Variants in LPIN1 observed in about 807,000 individuals in gnomAD.
The protein encoded by LPIN1 is lipin 1.
Under a neutral mutation model 107.5 loss-of-function variants are expected in LPIN1, and 71 were observed. The observed-to-expected ratio is 0.66, with a 90% CI of 0.55 to 0.80. The LOEUF is 0.80. Among genes scored for constraint, LPIN1 ranks in the 30% least tolerant of loss-of-function variants. LPIN1 has a pLI of 0.00. For synonymous variants in LPIN1, 445 were observed against 452.6 expected (o/e 0.98, Z 0.21); for missense variants, 1,043 against 1,160.6 (o/e 0.90, Z 1.47).
In LPIN1 at chr2:11,759,136, T is replaced by C. The variant is rs879777668; in HGVS notation, c.-9-6397T>C. Reference sequence around the variant, plus strand: ...GCTAGCTAGCTTGCTTTCTTTCTTTTCTTTCTTTCTTTCTTTCTTTCTTTC... The same window carrying C: ...GCTAGCTAGCTTGCTTTCTTTCTTTCCTTTCTTTCTTTCTTTCTTTCTTTC... On this transcript the variant is annotated intron_variant, in intron 1 of 20. Coordinates refer to ENST00000674199, the MANE Select transcript of LPIN1 (RefSeq NM_001349206.2). Among the ~76,000 whole-genome samples the C allele has an allele frequency of 5.7e-4, 23 of 40,144 alleles. 1 individual carries two copies. In the East Asian group the frequency reaches 6.1e-3, roughly 11 times the overall value. 26.3% of individuals were successfully genotyped at this position (40,144 alleles called of 152,430 possible).
At position 11,697,877 on chromosome 2, in the gene LPIN1, C is replaced by T. The variant is rs965558469; in HGVS notation, c.82-15879C>T. 1.3e-5 allele frequency among the ~76,000 whole-genome samples: 2 copies of T among 152,118 alleles called. No individual in the cohort carries two copies. The highest frequency in any genetic ancestry group is 2.4e-5 in the African/African-American group (1 of 41,432). ...ATGGAAGCGAGTGTGCTCAGAAATGCAGGTTCTCCCGAGGGGCAGCCCTCA... is the reference window on the plus strand; with the variant it reads ...ATGGAAGCGAGTGTGCTCAGAAATGTAGGTTCTCCCGAGGGGCAGCCCTCA... On this transcript the variant is annotated intron_variant, in intron 1 of 21. Coordinates refer to the LPIN1 transcript ENST00000449576. This position sits in a 1 kb window ranked among gnomAD's most constrained non-coding sequence, Gnocchi z 4.6.
chr2:11,681,901 C>T (rs542573138), intron 1 of LPIN1, among the ~76,000 whole-genome samples: 2 of 152,304 alleles, frequency 1.3e-5, no homozygotes, highest in South Asian at 4.1e-4. Context: ...TCTACAGGGA[C>T]CTTTGGAGCG....
intron 1 of LPIN1, among the ~76,000 whole-genome samples, chr2:11,734,118 A>G (rs1287158537): frequency 1.3e-5 from 2 of 152,254 alleles, no homozygotes; most frequent in Non-Finnish European, 2.9e-5. Flanking sequence ...TTTGTATTAA[A>G]TTAGAGACCT....
intron 20 of LPIN1, among the ~76,000 whole-genome samples, chr2:11,824,003 G>T (rs115050984): frequency 0.02 from 3,003 of 152,218 alleles, 54 homozygotes; most frequent in South Asian, 0.079. Flanking sequence ...TTGTCATTTA[G>T]ATACATTTGA....
intron 1 of LPIN1, among the ~76,000 whole-genome samples, chr2:11,754,536 C>A (rs1369448802): frequency 6.6e-6 from 1 of 152,212 alleles, no homozygotes; most frequent in East Asian, 1.9e-4. Flanking sequence ...CTGAGAGGCT[C>A]TGTCAGGGAG....
upstream of LPIN1, chr2:11,722,460 G>T (rs55823449): frequency 0.39 from 58,667 of 152,100 alleles, 13,393 homozygotes; most frequent in South Asian, 0.55. Flanking sequence ...CATTGTCACG[G>T]CTCTGCAGTG....
intron 18 of LPIN1, chr2:11,816,684 GTCCTGTGGAGTTCTCTAGAAT>G: frequency 6.6e-6 from 1 of 151,928 alleles, no homozygotes; most frequent in Non-Finnish European, 1.5e-5. Context: ...TGTGCTAGCT[GTCCTGTGGAGTTCTCTAGAAT>G]TGCTAGCGAA....
At chr2:11,758,323 A>T (rs1270223656) in intron 1 of LPIN1, among the ~76,000 whole-genome samples, 1 of 151,036 alleles carries the variant, frequency 6.6e-6, no homozygotes, top group Non-Finnish European at 1.5e-5. Context: ...TTTTATTTTT[A>T]TTTTTTTGAG....
At chr2:11,724,102 G>C (rs13418215), upstream of LPIN1, 12,332 of 152,428 alleles carry the variant, frequency 0.081, 632 homozygotes, top group African/African-American at 0.15. Flanking sequence ...ATTTGATTTC[G>C]TGAAAGAACC....
intron 4 of LPIN1, among the ~76,000 whole-genome samples, chr2:11,772,050 A>G (rs949331923): frequency 3.3e-5 from 5 of 152,198 alleles, no homozygotes; most frequent in Non-Finnish European, 5.9e-5. Context: ...ATCATCAGGC[A>G]TTAGATTCTC....
chr2:11,764,676 A>C (rs1670500802), intron 1 of LPIN1, among the ~76,000 whole-genome samples: 1 of 152,254 alleles, frequency 6.6e-6, no homozygotes, highest in African/African-American at 2.4e-5. Flanking sequence ...GGAAATTGTC[A>C]CAAACAAAAA....
intron 1 of LPIN1, among the ~76,000 whole-genome samples, chr2:11,679,098 G>A (rs1191738968): frequency 1.3e-5 from 2 of 152,226 alleles, no homozygotes; most frequent in Non-Finnish European, 2.9e-5. Context: ...TGCCCCGCAG[G>A]ACTGACTCTC....
intron 1 of LPIN1, among the ~76,000 whole-genome samples, chr2:11,728,530 G>T (rs1664883815): frequency 6.6e-6 from 1 of 152,000 alleles, no homozygotes; most frequent in East Asian, 1.9e-4. Flanking sequence ...GACCACAGAT[G>T]CATGCCACCC....
intron 14 of LPIN1, among the ~76,000 whole-genome samples, chr2:11,797,755 G>A (rs1185165411): frequency 2.0e-5 from 3 of 152,212 alleles, no homozygotes; most frequent in Non-Finnish European, 2.9e-5. Context: ...ACCTGTCTCA[G>A]ATGAGACTTT....
chr2:11,783,570 A>G (rs1422522350), intron 8 of LPIN1, among the ~76,000 whole-genome samples: 1 of 152,228 alleles, frequency 6.6e-6, no homozygotes, highest in African/African-American at 2.4e-5. Context: ...CTCCAGCAAC[A>G]TCATGGAATA....
At chr2:11,781,776 T>C (rs1673609859) in intron 7 of LPIN1, among the ~76,000 whole-genome samples, 1 of 152,240 alleles carries the variant, frequency 6.6e-6, no homozygotes, top group African/African-American at 2.4e-5. Context: ...TTGCGGTCAC[T>C]GCTCAGACTG....
At chr2:11,793,168 G>A (rs570709459) in intron 13 of LPIN1, among the ~76,000 whole-genome samples, 4 of 152,204 alleles carry the variant, frequency 2.6e-5, no homozygotes, top group East Asian at 3.9e-4. Context: ...TTCCATCATT[G>A]GGGCCATAGT....
At chr2:11,680,588 A>C (rs1394456798) in intron 1 of LPIN1, among the ~76,000 whole-genome samples, 1 of 152,146 alleles carries the variant, frequency 6.6e-6, no homozygotes, top group African/African-American at 2.4e-5. Context: ...CCTCTCTGAG[A>C]AGCTGGCCTT....
In LPIN1 at chr2:11,825,976, CAAATT is replaced by C. The variant is rs1199181952; in HGVS notation, c.*1188_*1192del. 1 of 152,200 alleles carries C rather than the reference CAAATT, an allele frequency of 6.6e-6. No individual in the cohort carries two copies. The highest frequency in any genetic ancestry group is 2.4e-5 in the African/African-American group (1 of 41,410). The allele number at this position is 152,200 out of a possible 1,614,324, so 9.4% of individuals were successfully genotyped here. A position where few individuals can be genotyped will look rare whatever the true frequency, so the allele number is the denominator to read the frequency against. ...TTTATTTTCCTTAGCTTTTTCCACTCAAATTAAGGGCAAGCGAAAAAGTAATAATT... is the reference window on the plus strand; with the variant it reads ...TTTATTTTCCTTAGCTTTTTCCACTCAAGGGCAAGCGAAAAAGTAATAATT... On this transcript the variant is annotated 3_prime_UTR_variant, in exon 21 of 21. Transcript: ENST00000674199. The surrounding 1 kb of genome is among the most constrained non-coding windows in gnomAD (Gnocchi z 4.1).
Sources: allele counts gnomAD v4.1 joint callset (sites outside exome capture counted in the v4.1 genomes callset), GRCh38; gene constraint gnomAD v4.1.1; non-coding constraint Gnocchi (gnomAD v3.1); transcripts MANE v1.5; gene names NCBI Gene and HGNC (gene_info 2026-07-23, HGNC 2026-07-21).